ARNT2: variants seen among roughly 807,000 people sequenced by gnomAD.
The protein encoded by ARNT2 is aryl hydrocarbon receptor nuclear translocator 2.
Under a neutral mutation model 91.7 loss-of-function variants are expected in ARNT2, and 36 were observed. The observed-to-expected ratio is 0.39, with a 90% CI of 0.30 to 0.52. The LOEUF is 0.52. ARNT2 is among the 20% of genes least tolerant of loss of function. ARNT2 has a pLI of 0.72. For missense variants in ARNT2, 775 were observed against 939.3 expected, an observed-to-expected ratio of 0.83 and a Z score of 2.29; for synonymous variants, 365 against 347.1, an observed-to-expected ratio of 1.05 and a Z score of -0.57.
intron 17 of ARNT2, among the ~76,000 whole-genome samples, chr15:80,587,029 C>T (rs776297979): frequency 4.6e-5 from 7 of 152,064 alleles, no homozygotes; most frequent in African/African-American, 4.8e-5. Flanking sequence ...AGCTCAGTCC[C>T]GGACATTTTT....
chr15:80,579,579 A>G (rs924775860), intron 15 of ARNT2, among the ~76,000 whole-genome samples: 1 of 152,104 alleles, frequency 6.6e-6, no homozygotes, highest in Non-Finnish European at 1.5e-5. Flanking sequence ...TGACTGATTC[A>G]TGGGCACCCA....
intron 3 of ARNT2, among the ~76,000 whole-genome samples, chr15:80,465,482 A>G (rs1896640679): frequency 6.6e-6 from 1 of 152,212 alleles, no homozygotes; most frequent in South Asian, 2.1e-4. Flanking sequence ...TCCTGGTGCC[A>G]TCTGCAGCAG....
intron 8 of ARNT2, among the ~76,000 whole-genome samples, chr15:80,516,828 A>ATATATATATATATATATATATAT (rs1897440952): frequency 1.3e-5 from 1 of 74,800 alleles, no homozygotes; most frequent in African/African-American, 4.7e-5. Flanking sequence ...TACAATTACA[A>ATATATATATATATATATATATAT]ATATATATAT....
intron 15 of ARNT2, among the ~76,000 whole-genome samples, chr15:80,577,255 G>A (rs933677968): frequency 2.0e-5 from 3 of 152,230 alleles, no homozygotes; most frequent in African/African-American, 7.2e-5. Context: ...CTCTAGCCAG[G>A]ACCCAAGTGA....
intron 1 of ARNT2, among the ~76,000 whole-genome samples, chr15:80,429,932 C>T (rs1197903172): frequency 6.6e-6 from 1 of 152,176 alleles, no homozygotes; most frequent in Non-Finnish European, 1.5e-5. Context: ...CACCAGGTAC[C>T]TCTTTCTTCC....
chr15:80,481,583 T>C (rs886724134), intron 5 of ARNT2, among the ~76,000 whole-genome samples: 1 of 152,092 alleles, frequency 6.6e-6, no homozygotes, highest in Non-Finnish European at 1.5e-5. Context: ...TGTGGAGTCA[T>C]GCACCTGTAG....
At chr15:80,408,079 T>G (rs902545720) in intron 1 of ARNT2, among the ~76,000 whole-genome samples, 1 of 152,168 alleles carries the variant, frequency 6.6e-6, no homozygotes, top group Non-Finnish European at 1.5e-5. Flanking sequence ...AATTATTGGA[T>G]TTTTTCCCCA....
At chr15:80,493,862 C>T (rs1897088692) in intron 5 of ARNT2, among the ~76,000 whole-genome samples, 1 of 152,076 alleles carries the variant, frequency 6.6e-6, no homozygotes, top group Admixed American at 6.6e-5. Flanking sequence ...GGCCTGGTGC[C>T]CTCCCTGTGG....
chr15:80,470,196 T>C, intron 3 of ARNT2, 22 bp from the exon 4 acceptor site: 6 of 1,607,692 alleles, frequency 3.7e-6, no homozygotes, highest in Non-Finnish European at 5.1e-6. Flanking sequence ...CCCCCTCTCC[T>C]GATCTCGTGC....
chr15:80,405,226 A>T (rs1370746523), intron 1 of ARNT2, among the ~76,000 whole-genome samples: 2 of 152,220 alleles, frequency 1.3e-5, no homozygotes, highest in African/African-American at 4.8e-5. Context: ...AAAATGGAAG[A>T]GTTCTTGATC....
intron 1 of ARNT2, among the ~76,000 whole-genome samples, chr15:80,427,920 C>T (rs1895954827): frequency 6.6e-6 from 1 of 152,222 alleles, no homozygotes; most frequent in African/African-American, 2.4e-5. Flanking sequence ...GGCCTTGTTT[C>T]CTTTGGCCTG....
chr15:80,574,075 G>A, intron 12 of ARNT2, 73 bp from the exon 13 acceptor site: 1 of 1,321,904 alleles, frequency 7.6e-7, no homozygotes, highest in Non-Finnish European at 1.1e-6. Flanking sequence ...TGAGGTATGG[G>A]AAAAGTCCTG....
intron 1 of ARNT2, among the ~76,000 whole-genome samples, chr15:80,422,608 A>G (rs1182620603): frequency 6.6e-6 from 1 of 152,260 alleles, no homozygotes; most frequent in Non-Finnish European, 1.5e-5. Flanking sequence ...TCTCAGATGC[A>G]GTGAGCAAAG....
intron 4 of ARNT2, among the ~76,000 whole-genome samples, chr15:80,472,249 G>A (rs1193541878): frequency 6.6e-6 from 1 of 152,118 alleles, no homozygotes; most frequent in Non-Finnish European, 1.5e-5. Flanking sequence ...GAAATAGAGT[G>A]GAAGTGTCCT....
chr15:80,431,348 G>A, intron 1 of ARNT2, among the ~76,000 whole-genome samples: 1 of 152,116 alleles, frequency 6.6e-6, no homozygotes, highest in East Asian at 1.9e-4. Context: ...CCCAGGTTAT[G>A]GCCAGATCAG....
In ARNT2 at chr15:80,597,080, C is replaced by T. The variant is rs1198321739; in HGVS notation, c.*3382C>T. ...GGGATTCTGGTTGTTAAGGAACTTA[C>T]ACTGGGGAGCTTTACTCTTCCGTGT... is the stretch of plus-strand genomic sequence containing the variant. On this transcript the variant is annotated 3_prime_UTR_variant, in exon 19 of 19. Transcript: ENST00000303329. The T allele has an allele frequency of 5.9e-6, 3 of 507,830 alleles. No homozygotes were observed. The highest frequency in any genetic ancestry group is 2.0e-5 in the Admixed American group (1 of 50,718). 31.5% of individuals were successfully genotyped at this position (507,830 alleles called of 1,614,324 possible).
intron 5 of ARNT2, 83 bp downstream of exon 5, chr15:80,475,306 G>A (rs1234312201): frequency 4.2e-6 from 6 of 1,428,496 alleles, no homozygotes; most frequent in Non-Finnish European, 4.9e-6. Flanking sequence ...TGTAATCCCA[G>A]TACTTTGGGA....
Position 80,450,922 on chromosome 15 carries a change from C to A in ARNT2, c.74C>A (p.Ala25Asp). The A allele has an allele frequency of 3.1e-6, 5 of 1,614,176 alleles. No individual in the cohort carries two copies. The highest frequency in any genetic ancestry group is 4.2e-6 in the Non-Finnish European group (5 of 1,180,048). The change falls in exon 2 of 19, where the codon GCC becomes GAC. Residue 25 changes from alanine to aspartate, a missense_variant. Physicochemically the swap from Ala to Asp is moderately radical, Grantham distance 126. This residue lies in a region of ARNT2 where 79 missense variants were observed against 83.8 expected (regional missense o/e 0.94). Coordinates refer to ENST00000303329, the MANE Select transcript of ARNT2 (RefSeq NM_014862.4). The part of the protein sequence containing the change: ...DIPGSVTLPV[A>D]PMAATGQVRM... ...CCTGGATCTGTGACGTTGCCCGTTG[C>A]CCCCATGGCGGCCACCGGACAGGTG...
chr15:80,529,270 TC>T (rs1566994342), intron 8 of ARNT2, among the ~76,000 whole-genome samples: 1 of 152,156 alleles, frequency 6.6e-6, no homozygotes. Context: ...CAGACTTGAG[TC>T]ACTTCTGTTG....
Sources: allele counts gnomAD v4.1 joint callset (sites outside exome capture counted in the v4.1 genomes callset), GRCh38; gene constraint gnomAD v4.1.1; regional missense constraint gnomAD v4.1.1; transcripts MANE v1.5; gene names NCBI Gene and HGNC (gene_info 2026-07-23, HGNC 2026-07-21).